CNBD1: variants seen among roughly 807,000 people sequenced by gnomAD.
The protein encoded by CNBD1 is cyclic nucleotide-binding domain-containing protein 1.
CNBD1 carries 71 observed loss-of-function variants against 54.4 expected under a neutral mutation model. The ratio of observed to expected loss-of-function variants is 1.30; its 90% CI spans 1.08 to 1.59. CNBD1 has a LOEUF of 1.59. CNBD1 is among the 40% of genes most tolerant of loss of function. The probability of loss-of-function intolerance (pLI) is 0.00; values close to 1 mark genes in which losing one functional copy is unlikely to be tolerated. For missense variants in CNBD1, 659 were observed against 518.0 expected (o/e 1.27, Z -2.64); for synonymous variants, 182 against 170.7 (o/e 1.07, Z -0.51).
chr8:86,928,849 T>C (rs541115391), intron 3 of CNBD1, among the ~76,000 whole-genome samples: 1 of 152,308 alleles, frequency 6.6e-6, no homozygotes, highest in South Asian at 2.1e-4. Flanking sequence ...TGATGAGTGT[T>C]CTCAATACCC....
intron 3 of CNBD1, among the ~76,000 whole-genome samples, chr8:86,924,577 C>T (rs751191615): frequency 6.6e-6 from 1 of 152,036 alleles, no homozygotes. Context: ...TTCCTGGGAG[C>T]TGAGACAGTG....
chr8:87,311,431 T>C (rs1369692368), intron 8 of CNBD1, among the ~76,000 whole-genome samples: 1 of 151,968 alleles, frequency 6.6e-6, no homozygotes, highest in Non-Finnish European at 1.5e-5. Context: ...TGGCTATTAT[T>C]AAAAAGTCAA....
intron 2 of CNBD1, among the ~76,000 whole-genome samples, chr8:87,389,569 G>A (rs1811265119): frequency 6.6e-6 from 1 of 152,082 alleles, no homozygotes; most frequent in Non-Finnish European, 1.5e-5. Context: ...TCTTCAAGGA[G>A]AACTACAAAC....
chr8:87,277,070 T>TTATATA (rs10583348), intron 6 of CNBD1, among the ~76,000 whole-genome samples: 1 of 149,272 alleles, frequency 6.7e-6, no homozygotes, highest in African/African-American at 2.4e-5. Flanking sequence ...GATGGGTCAT[T>TTATATA]TATATATATA....
At chr8:87,425,082 T>G (rs913105386) in intron 2 of CNBD1, among the ~76,000 whole-genome samples, 7 of 152,112 alleles carry the variant, frequency 4.6e-5, no homozygotes, top group Middle Eastern at 3.2e-3. Flanking sequence ...CATCTTCCAT[T>G]GCTGATACCC....
At chr8:86,972,209 C>G (rs889726076) in intron 4 of CNBD1, among the ~76,000 whole-genome samples, 1 of 152,178 alleles carries the variant, frequency 6.6e-6, no homozygotes, top group African/African-American at 2.4e-5. Flanking sequence ...CTCGGCCTCC[C>G]AAAGTGCTGG....
At chr8:87,176,813 A>T (rs755604725) in intron 4 of CNBD1, among the ~76,000 whole-genome samples, 1 of 152,096 alleles carries the variant, frequency 6.6e-6, no homozygotes, top group African/African-American at 2.4e-5. Flanking sequence ...AATACAAAGG[A>T]TACTTTTTGT....
At chr8:87,104,192 G>A (rs1336678923) in intron 4 of CNBD1, among the ~76,000 whole-genome samples, 1 of 152,222 alleles carries the variant, frequency 6.6e-6, no homozygotes, top group Non-Finnish European at 1.5e-5. Flanking sequence ...ATATAAAAAT[G>A]TTGTCATGGA....
chr8:86,953,721 G>T (rs1346692112), intron 4 of CNBD1, among the ~76,000 whole-genome samples: 1 of 152,046 alleles, frequency 6.6e-6, no homozygotes, highest in Non-Finnish European at 1.5e-5. Context: ...ACAAAAATTA[G>T]CCAGGCATGA....
intron 6 of CNBD1, among the ~76,000 whole-genome samples, chr8:87,276,925 G>T (rs754152167): frequency 4.6e-5 from 7 of 151,540 alleles, no homozygotes; most frequent in Non-Finnish European, 8.8e-5. Context: ...GTCAGGCCTT[G>T]AGGGGCCAAG....
At chr8:87,046,166 C>T (rs981443561) in intron 4 of CNBD1, among the ~76,000 whole-genome samples, 21 of 151,956 alleles carry the variant, frequency 1.4e-4, no homozygotes, top group Admixed American at 1.3e-3. Context: ...TGTTGTTGTG[C>T]CTCTTTGGCT....
intron 6 of CNBD1, among the ~76,000 whole-genome samples, chr8:87,243,500 C>T (rs1178985133): frequency 2.6e-5 from 4 of 152,140 alleles, no homozygotes; most frequent in Non-Finnish European, 5.9e-5. Context: ...TCCCTGCGGT[C>T]AGTGCTCCAT....
chr8:87,316,217 A>G (rs962241279), intron 8 of CNBD1, among the ~76,000 whole-genome samples: 1 of 152,036 alleles, frequency 6.6e-6, no homozygotes, highest in Non-Finnish European at 1.5e-5. Context: ...GTTTTGTCAT[A>G]TACAAATGAC....
At chr8:87,123,620 G>GA (rs1358644774) in intron 4 of CNBD1, among the ~76,000 whole-genome samples, 1 of 151,296 alleles carries the variant, frequency 6.6e-6, no homozygotes, top group Non-Finnish European at 1.5e-5. Flanking sequence ...AGAAAAAGAT[G>GA]AAAAAACCAA....
chr8:87,083,914 T>C (rs903155623), intron 4 of CNBD1, among the ~76,000 whole-genome samples: 10 of 152,162 alleles, frequency 6.6e-5, no homozygotes, highest in Admixed American at 4.6e-4. Flanking sequence ...TAAGTGTATT[T>C]GATTGGTGTC....
intron 4 of CNBD1, among the ~76,000 whole-genome samples, chr8:87,108,426 G>T (rs567695903): frequency 5.3e-5 from 8 of 152,228 alleles, no homozygotes; most frequent in African/African-American, 1.9e-4. Context: ...AATCATTCAT[G>T]GAGCTTTTAA....
chr8:87,427,225 A>G (rs1808066106), intron 2 of CNBD1, among the ~76,000 whole-genome samples: 1 of 152,204 alleles, frequency 6.6e-6, no homozygotes, highest in African/African-American at 2.4e-5. Flanking sequence ...CCTTTGAAAC[A>G]TACATCTTTT....
chr8:87,042,705 G>A (rs1810097704), intron 4 of CNBD1, among the ~76,000 whole-genome samples: 1 of 152,018 alleles, frequency 6.6e-6, no homozygotes, highest in South Asian at 2.1e-4. Flanking sequence ...AAAGTTGGAA[G>A]TAGATAATTG....
At chr8:86,994,768 G>C (rs557160459) in intron 4 of CNBD1, among the ~76,000 whole-genome samples, 6 of 152,188 alleles carry the variant, frequency 3.9e-5, no homozygotes, top group African/African-American at 1.2e-4. Flanking sequence ...GGTGTTTTCT[G>C]TCTGAAGATC....
Sources: gnomAD v4.1 joint callset for allele counts (sites outside exome capture counted in the v4.1 genomes callset) on GRCh38, gnomAD v4.1.1 for gene constraint, MANE v1.5 for transcripts, NCBI Gene and HGNC (gene_info 2026-07-23, HGNC 2026-07-21) for gene names.